The following OSBP2 variants were observed in gnomAD, a reference collection of about 807,000 sequenced individuals.
OSBP2 encodes oxysterol-binding protein 2.
OSBP2 carries 66 observed loss-of-function variants against 96.0 expected under a neutral mutation model. That is an observed-to-expected ratio of 0.69 (90% CI 0.56 to 0.84). The LOEUF (loss-of-function observed/expected upper bound fraction) is 0.84. OSBP2 is among the 40% of genes least tolerant of loss of function. OSBP2 has a pLI of 0.00. For missense variants in OSBP2, 1,038 were observed against 1,222.7 expected, an observed-to-expected ratio of 0.85 and a Z score of 2.25; for synonymous variants, 525 against 520.9, an observed-to-expected ratio of 1.01 and a Z score of -0.11.
intron 2 of OSBP2, among the ~76,000 whole-genome samples, chr22:30,743,646 G>A (rs1279105440): frequency 6.6e-6 from 1 of 152,156 alleles, no homozygotes; most frequent in Non-Finnish European, 1.5e-5. Context: ...GCTAACTAGA[G>A]ATCTAGCTTC....
chr22:30,825,556 T>C (rs1198716292), intron 2 of OSBP2, among the ~76,000 whole-genome samples: 1 of 152,236 alleles, frequency 6.6e-6, no homozygotes, highest in Non-Finnish European at 1.5e-5. Context: ...TTGAGGTCTC[T>C]TGTAAGTGCT....
chr22:30,899,676 AG>A (rs2040153923), intron 12 of OSBP2, among the ~76,000 whole-genome samples: 1 of 152,310 alleles, frequency 6.6e-6, no homozygotes, highest in East Asian at 1.9e-4. Flanking sequence ...AACTAGCAGT[AG>A]GAAAATAAAA....
At chr22:30,777,247 C>T (rs960684937) in intron 2 of OSBP2, among the ~76,000 whole-genome samples, 2 of 152,126 alleles carry the variant, frequency 1.3e-5, no homozygotes, top group Non-Finnish European at 2.9e-5. Context: ...TATGGTTTGG[C>T]TGTGTCCCCA....
intron 2 of OSBP2, among the ~76,000 whole-genome samples, chr22:30,837,439 G>T (rs2038659233): frequency 6.6e-6 from 1 of 152,138 alleles, no homozygotes; most frequent in Non-Finnish European, 1.5e-5. Context: ...AGAAGGAGGT[G>T]GGCCATTCTA....
chr22:30,878,330 G>A (rs1041931104), intron 3 of OSBP2, among the ~76,000 whole-genome samples: 2 of 152,338 alleles, frequency 1.3e-5, no homozygotes, highest in Admixed American at 6.5e-5. Flanking sequence ...GAGACCCTTC[G>A]GGGGCCCCTT....
At chr22:30,769,785 A>G (rs1390379971) in intron 2 of OSBP2, among the ~76,000 whole-genome samples, 1 of 152,206 alleles carries the variant, frequency 6.6e-6, no homozygotes, top group Non-Finnish European at 1.5e-5. Context: ...TTAGTTGACA[A>G]CAGATCTGTG....
At chr22:30,844,050 T>C (rs1266885667) in intron 2 of OSBP2, among the ~76,000 whole-genome samples, 1 of 152,034 alleles carries the variant, frequency 6.6e-6, no homozygotes. Context: ...TACTTTTGTA[T>C]TTTTTGTAGA....
At chr22:30,826,215 G>A (rs1374492955) in intron 2 of OSBP2, among the ~76,000 whole-genome samples, 1 of 152,168 alleles carries the variant, frequency 6.6e-6, no homozygotes, top group Non-Finnish European at 1.5e-5. Flanking sequence ...GGACTTTTAG[G>A]GGACAGCTTG....
intron 1 of OSBP2, among the ~76,000 whole-genome samples, chr22:30,726,354 G>A (rs1339429356): frequency 6.6e-6 from 1 of 152,158 alleles, no homozygotes; most frequent in Non-Finnish European, 1.5e-5. Context: ...GAAGCTGGAA[G>A]CTATCATTCT....
rs34856752 is a variant in OSBP2, at chr22:30,854,640, G to GA, written c.854-15774dup. The stretch of plus-strand genomic sequence containing the variant: ...GTTATCTTTAAGTAACATTTAAAGT[G>GA]AAAAAAAAAAAAAAAGCACCTTTTA... On this transcript the variant is annotated intron_variant, in intron 2 of 13. Coordinates refer to ENST00000332585, the MANE Select transcript of OSBP2 (RefSeq NM_030758.4). Among the ~76,000 whole-genome samples, 473 of 134,862 alleles carry GA rather than the reference G, an allele frequency of 3.5e-3. 1 individual carries two copies. Among genetic ancestry groups the GA allele is most frequent in the Admixed American group, 4.2e-3 (56 of 13,390 alleles). The allele number at this position is 134,862 out of a possible 152,430, so 88.5% of individuals were successfully genotyped here. A position where few individuals can be genotyped will look rare whatever the true frequency, so the allele number is the denominator to read the frequency against.
intron 3 of OSBP2, among the ~76,000 whole-genome samples, chr22:30,876,783 C>CT (rs2039589743): frequency 6.6e-6 from 1 of 152,200 alleles, no homozygotes; most frequent in African/African-American, 2.4e-5. Flanking sequence ...ACTCTGCAGG[C>CT]TTACGCATAG....
At chr22:30,794,949 C>T in intron 2 of OSBP2, among the ~76,000 whole-genome samples, 1 of 146,322 alleles carries the variant, frequency 6.8e-6, no homozygotes. Context: ...CTCGCTCTGT[C>T]ACCCAGGCTG....
At chr22:30,757,762 C>T (rs754274645) in intron 2 of OSBP2, among the ~76,000 whole-genome samples, 1 of 152,132 alleles carries the variant, frequency 6.6e-6, no homozygotes, top group Non-Finnish European at 1.5e-5. Flanking sequence ...TCTCTCCTGG[C>T]CTCTTCCCAC....
At chr22:30,858,462 T>A (rs1451051599) in intron 2 of OSBP2, among the ~76,000 whole-genome samples, 1 of 151,890 alleles carries the variant, frequency 6.6e-6, no homozygotes, top group Non-Finnish European at 1.5e-5. Flanking sequence ...TGTTTTTTAT[T>A]CCTTTATTAG....
At chr22:30,859,047 A>AT (rs1197079020) in intron 2 of OSBP2, among the ~76,000 whole-genome samples, 1 of 151,878 alleles carries the variant, frequency 6.6e-6, no homozygotes, top group Non-Finnish European at 1.5e-5. Context: ...TCAGGGCCCC[A>AT]TGGTTCCTAG....
chr22:30,829,094 C>T lies in OSBP2; in HGVS notation c.854-41335C>T, dbSNP rs1329381950. 3.9e-5 allele frequency among the ~76,000 whole-genome samples: 6 copies of T among 152,114 alleles called. 1 individual carries two copies. The East Asian group carries it at 9.7e-4, about 24-fold the overall frequency. On this transcript the variant is annotated intron_variant, in intron 2 of 13. Coordinates refer to ENST00000332585, the MANE Select transcript of OSBP2 (RefSeq NM_030758.4). ...GCGATGGGGCTGGGACAGGCCCAGG[C>T]TCCCCCAGCCAGGCAGTCAAGGTTC...
chr22:30,836,680 C>T (rs2147019657), intron 2 of OSBP2, among the ~76,000 whole-genome samples: 1 of 152,288 alleles, frequency 6.6e-6, no homozygotes, highest in Middle Eastern at 3.4e-3. Context: ...AGGCGTGGTT[C>T]AGTGAAGAGC....
rs554665894 is a variant in OSBP2, at chr22:30,752,794, A to C, written c.853+11425A>C. On this transcript the variant is annotated intron_variant, in intron 2 of 13. Coordinates refer to ENST00000332585, the MANE Select transcript of OSBP2 (RefSeq NM_030758.4). The stretch of plus-strand genomic sequence containing the variant: ...TTGCAGGGCCATTTCAAAATATGTC[A>C]AAGAAATGTATTTTCAGGTAAAATA... 1.9e-4 allele frequency among the ~76,000 whole-genome samples: 29 copies of C among 152,318 alleles called. No homozygotes were observed. In the South Asian group the frequency reaches 5.6e-3, roughly 29 times the overall value.
chr22:30,717,090 T>TTTG (rs71328866), intron 1 of OSBP2, among the ~76,000 whole-genome samples: 31 of 118,412 alleles, frequency 2.6e-4, no homozygotes, highest in African/African-American at 9.2e-4. Context: ...TTTACTGTTT[T>TTTG]TGTGTGTGTG....
Sources: gnomAD v4.1 joint callset for allele counts (sites outside exome capture counted in the v4.1 genomes callset) on GRCh38, gnomAD v4.1.1 for gene constraint, MANE v1.5 for transcripts, NCBI Gene and HGNC (gene_info 2026-07-23, HGNC 2026-07-21) for gene names.